The following CHST3 variants were observed in gnomAD, a reference collection of about 807,000 sequenced individuals.
CHST3 encodes carbohydrate sulfotransferase 3, also known as C6ST-1.
A neutral mutation model predicts 35.4 loss-of-function variants in CHST3; 20 were observed. The observed-to-expected ratio is 0.57, with a 90% CI of 0.40 to 0.82. The LOEUF is 0.82. Ranked by LOEUF, CHST3 falls within the 40% of genes least tolerant of loss-of-function variation. The pLI, the probability that CHST3 is intolerant of heterozygous loss-of-function variation, is 0.00. For synonymous variants in CHST3, 334 were observed against 295.9 expected (o/e 1.13, Z -1.32); for missense variants, 693 against 670.1 (o/e 1.03, Z -0.38).
chr10:71,997,057 A>G (rs569402908), intron 1 of CHST3, among the ~76,000 whole-genome samples: 98 of 152,262 alleles, frequency 6.4e-4, no homozygotes, highest in African/African-American at 2.2e-3. Context: ...GGTCAAATGT[A>G]CATAGCATAA....
intron 1 of CHST3, among the ~76,000 whole-genome samples, chr10:71,972,569 G>A (rs1320104403): frequency 6.6e-6 from 1 of 152,216 alleles, no homozygotes; most frequent in African/African-American, 2.4e-5. Context: ...ATGGCAGCGA[G>A]TGTGGTCTCA....
chr10:72,002,226 G>A (rs992952789), intron 1 of CHST3, among the ~76,000 whole-genome samples: 1 of 152,220 alleles, frequency 6.6e-6, no homozygotes, highest in African/African-American at 2.4e-5. Context: ...TCCTCTTAGG[G>A]CAGCGTCAAG....
chr10:71,985,007 C>T (rs148038306), intron 1 of CHST3, among the ~76,000 whole-genome samples: 2 of 152,362 alleles, frequency 1.3e-5, no homozygotes, highest in Non-Finnish European at 2.9e-5. Flanking sequence ...AATCTTTCTT[C>T]TCCTCCTTCC....
At chr10:71,987,145 G>A (rs1839854279) in intron 1 of CHST3, among the ~76,000 whole-genome samples, 1 of 152,168 alleles carries the variant, frequency 6.6e-6, no homozygotes, top group South Asian at 2.1e-4. Flanking sequence ...GAGGATAGCA[G>A]CAGACACATG....
chr10:71,971,602 C>T (rs1006669307), intron 1 of CHST3, among the ~76,000 whole-genome samples: 8 of 152,192 alleles, frequency 5.3e-5, no homozygotes, highest in African/African-American at 1.9e-4. Flanking sequence ...TCGCCATCTG[C>T]AAGATTCTGG....
intron 1 of CHST3, among the ~76,000 whole-genome samples, chr10:71,985,112 C>A (rs577897705): frequency 6.6e-6 from 1 of 152,336 alleles, no homozygotes; most frequent in South Asian, 2.1e-4. Flanking sequence ...CCCAAGCCTC[C>A]CAGCCAGAGT....
chr10:72,006,013 C>T (rs1301243374), intron 2 of CHST3, 31 bp downstream of exon 2: 3 of 1,609,772 alleles, frequency 1.9e-6, no homozygotes, highest in Middle Eastern at 1.7e-4. Flanking sequence ...TCTTCATCTT[C>T]CTTTCAAGGT....
chr10:72,006,121 G>A, intron 2 of CHST3, 139 bp downstream of exon 2: 2 of 1,107,152 alleles, frequency 1.8e-6, no homozygotes, highest in Non-Finnish European at 2.7e-6. Context: ...TATGTCCCAG[G>A]CAGTGGCTCC....
chr10:71,984,100 A>G (rs903253566), intron 1 of CHST3, among the ~76,000 whole-genome samples: 11 of 152,066 alleles, frequency 7.2e-5, no homozygotes, highest in Non-Finnish European at 1.3e-4. Flanking sequence ...TCAGCTCACT[A>G]CAGCCTCCGC....
rs1840071404 is a variant in CHST3, at chr10:72,008,403, GA to G, written c.1373del (p.Asp458AlafsTer60). 6.4e-7 allele frequency: 1 copy of G among 1,571,676 alleles called. No homozygotes were observed. Among genetic ancestry groups the G allele is most frequent in the African/African-American group, 1.3e-5 (1 of 74,192 alleles). ...CCTCTTCGGCTACAAACTGGCGCGGGACGCCGCCGCCCTCACCAACCGCTCA... is the reference window on the plus strand; with the variant it reads ...CCTCTTCGGCTACAAACTGGCGCGGGCGCCGCCGCCCTCACCAACCGCTCA... ...MRLFGYKLARDAAALTNRSVS... is the reference protein window; with the variant it reads ...MRLFGYKLARXAAALTNRSVS... On this transcript the variant is annotated frameshift_variant, in exon 3 of 3. Coordinates refer to ENST00000373115, the MANE Select transcript of CHST3 (RefSeq NM_004273.5). LOFTEE classifies it high-confidence loss of function.
At chr10:71,995,837 T>C (rs1216456437) in intron 1 of CHST3, among the ~76,000 whole-genome samples, 1 of 152,026 alleles carries the variant, frequency 6.6e-6, no homozygotes, top group Non-Finnish European at 1.5e-5. Flanking sequence ...ATAACAGATA[T>C]AATAATAATG....
chr10:71,976,795 G>A (rs1473879441), intron 1 of CHST3, among the ~76,000 whole-genome samples: 1 of 150,382 alleles, frequency 6.6e-6, no homozygotes, highest in Non-Finnish European at 1.5e-5. Flanking sequence ...CAAACAAGAG[G>A]CTACCCTCAA....
At chr10:72,003,424 G>A (rs1203758884) in intron 1 of CHST3, among the ~76,000 whole-genome samples, 7 of 152,206 alleles carry the variant, frequency 4.6e-5, no homozygotes, top group Non-Finnish European at 1.0e-4. Context: ...CCTATGCCAG[G>A]CACAGTGGCT....
At chr10:71,998,326 G>A (rs1178766921) in intron 1 of CHST3, among the ~76,000 whole-genome samples, 2 of 152,200 alleles carry the variant, frequency 1.3e-5, no homozygotes, top group African/African-American at 4.8e-5. Context: ...CTTGGGCCAC[G>A]TCCTTGGGCA....
At chr10:71,984,369 C>T (rs1839827572) in intron 1 of CHST3, among the ~76,000 whole-genome samples, 1 of 152,352 alleles carries the variant, frequency 6.6e-6, no homozygotes, top group South Asian at 2.1e-4. Flanking sequence ...CGCTGTGGAG[C>T]GCACTTTCTC....
At chr10:71,991,862 C>T (rs548529527) in intron 1 of CHST3, among the ~76,000 whole-genome samples, 27 of 151,206 alleles carry the variant, frequency 1.8e-4, no homozygotes, top group African/African-American at 6.3e-4. Flanking sequence ...GGAACCCGGG[C>T]GGCAGAGGTT....
intron 1 of CHST3, among the ~76,000 whole-genome samples, chr10:71,969,040 C>G (rs1367467681): frequency 6.6e-6 from 1 of 152,102 alleles, no homozygotes; most frequent in African/African-American, 2.4e-5. Context: ...CTCCTATTGT[C>G]ATTTACCTGG....
chr10:71,982,505 C>A (rs1433760307), intron 1 of CHST3, among the ~76,000 whole-genome samples: 3 of 152,294 alleles, frequency 2.0e-5, no homozygotes, highest in Non-Finnish European at 2.9e-5. Flanking sequence ...ATAATTACAG[C>A]ACTTTGGGAG....
intron 1 of CHST3, among the ~76,000 whole-genome samples, chr10:72,003,831 T>C (rs1306450407): frequency 2.6e-5 from 4 of 152,040 alleles, no homozygotes; most frequent in Non-Finnish European, 5.9e-5. Context: ...GGAGGGAGGA[T>C]TGCTTGAGCC....
Sources: allele counts gnomAD v4.1 joint callset (sites outside exome capture counted in the v4.1 genomes callset), GRCh38; gene constraint gnomAD v4.1.1; transcripts MANE v1.5; gene names NCBI Gene and HGNC (gene_info 2026-07-23, HGNC 2026-07-21).